Variants in EXT1 observed in about 807,000 individuals in gnomAD.
EXT1 encodes the protein exostosin glycosyltransferase 1.
Under a neutral mutation model 82.5 loss-of-function variants are expected in EXT1, and 20 were observed. The observed-to-expected ratio is 0.24, with a 90% CI of 0.17 to 0.35. The LOEUF (loss-of-function observed/expected upper bound fraction) is 0.35. EXT1 is among the 10% of genes least tolerant of loss of function. EXT1 has a pLI of 1.00. For missense variants in EXT1, 757 were observed against 936.5 expected (o/e 0.81, Z 2.50); for synonymous variants, 348 against 350.8 (o/e 0.99, Z 0.09).
intron 1 of EXT1, among the ~76,000 whole-genome samples, chr8:118,090,806 A>AAAAAAAAAAAAC (rs1817510252): frequency 6.7e-6 from 1 of 148,274 alleles, no homozygotes; most frequent in South Asian, 2.1e-4. Flanking sequence ...AAAAAAAAAA[A>AAAAAAAAAAAAC]AAAGCATGTG....
chr8:117,853,324 C>A (rs1362244073), intron 1 of EXT1, among the ~76,000 whole-genome samples: 2 of 152,122 alleles, frequency 1.3e-5, no homozygotes, highest in African/African-American at 4.8e-5. Flanking sequence ...GAGGGCAGAT[C>A]ATTTGAGGTC....
chr8:117,837,326 G>GCT, intron 1 of EXT1, 125 bp from the exon 2 acceptor site: 1 of 761,142 alleles, frequency 1.3e-6, no homozygotes, highest in South Asian at 1.4e-5. Context: ...CCAGCAGGCA[G>GCT]CTCTCACTTT....
chr8:117,853,193 C>A (rs912023366), intron 1 of EXT1, among the ~76,000 whole-genome samples: 7 of 152,108 alleles, frequency 4.6e-5, no homozygotes, highest in African/African-American at 1.7e-4. Flanking sequence ...CTAAATCCAT[C>A]GGATGGTTTG....
At chr8:117,892,340 T>G (rs1813258897) in intron 1 of EXT1, among the ~76,000 whole-genome samples, 1 of 152,218 alleles carries the variant, frequency 6.6e-6, no homozygotes. Context: ...AGGATACATA[T>G]GACATGAGGA....
intron 1 of EXT1, among the ~76,000 whole-genome samples, chr8:117,931,922 T>A (rs896348342): frequency 6.6e-6 from 1 of 152,218 alleles, no homozygotes. Flanking sequence ...AGTCTCAAGC[T>A]TAAGTAATTA....
At chr8:117,976,268 T>G (rs1014685484) in intron 1 of EXT1, among the ~76,000 whole-genome samples, 1 of 152,218 alleles carries the variant, frequency 6.6e-6, no homozygotes, top group African/African-American at 2.4e-5. Flanking sequence ...CCTTTGAGGC[T>G]ATATAGCCAA....
At chr8:117,989,280 C>T (rs906888268) in intron 1 of EXT1, among the ~76,000 whole-genome samples, 2 of 151,496 alleles carry the variant, frequency 1.3e-5, no homozygotes, top group Non-Finnish European at 1.5e-5. Context: ...GCTCCTGCGT[C>T]GGCTAAGCCA....
At chr8:118,057,973 A>G (rs1816821710) in intron 1 of EXT1, among the ~76,000 whole-genome samples, 1 of 151,110 alleles carries the variant, frequency 6.6e-6, no homozygotes, top group East Asian at 1.9e-4. Context: ...CCCATCTCAA[A>G]AGAAAAAAAA....
chr8:117,812,484 A>T (rs1341884567), intron 8 of EXT1, among the ~76,000 whole-genome samples: 1 of 152,104 alleles, frequency 6.6e-6, no homozygotes, highest in East Asian at 1.9e-4. Context: ...ATACGTGGAG[A>T]GGAATGGGAT....
intron 1 of EXT1, among the ~76,000 whole-genome samples, chr8:117,940,337 A>G (rs1814247530): frequency 6.6e-6 from 1 of 152,220 alleles, no homozygotes; most frequent in South Asian, 2.1e-4. Context: ...AACCTGTGGT[A>G]TAATCTCAAT....
chr8:117,820,921 C>T (rs73707015), intron 5 of EXT1, among the ~76,000 whole-genome samples: 2,959 of 152,164 alleles, frequency 0.019, 101 homozygotes, highest in African/African-American at 0.068. Context: ...AGCTCTGAAG[C>T]CCTAGGTTAA....
chr8:118,050,588 T>C lies in EXT1; in HGVS notation c.962+59497A>G, dbSNP rs113457738. On this transcript the variant is annotated intron_variant, in intron 1 of 10. Transcript: ENST00000378204. Reference sequence around the variant, plus strand: ...GGTCTCTCTTGCAAGTACTCAATTCTGCCATTGTAGCAGGAGAGTGGCCAG... The same window carrying C: ...GGTCTCTCTTGCAAGTACTCAATTCCGCCATTGTAGCAGGAGAGTGGCCAG... Among the ~76,000 whole-genome samples, 57 of 152,352 alleles carry C rather than the reference T, an allele frequency of 3.7e-4. 1 individual carries two copies. The highest frequency in any genetic ancestry group is 2.3e-3 in the South Asian group (11 of 4,830).
At chr8:117,852,026 A>G (rs1477485303) in intron 1 of EXT1, among the ~76,000 whole-genome samples, 1 of 152,230 alleles carries the variant, frequency 6.6e-6, no homozygotes, top group Non-Finnish European at 1.5e-5. Context: ...AACTCTCTGC[A>G]AAGCACTTTA....
chr8:117,835,355 G>C (rs895700732), intron 3 of EXT1, 89 bp downstream of exon 3: 2 of 942,804 alleles, frequency 2.1e-6, no homozygotes, highest in African/African-American at 3.2e-5. Context: ...CTTTTATAGA[G>C]CTGACCTTTT....
chr8:118,007,669 G>C (rs879935018), intron 1 of EXT1, among the ~76,000 whole-genome samples: 3 of 152,206 alleles, frequency 2.0e-5, no homozygotes, highest in Non-Finnish European at 4.4e-5. Context: ...CATGATTCTA[G>C]AGCTTCAAGC....
rs73320173 is a variant in EXT1 at position 117,863,477 on chromosome 8, G to A, written c.963-26276C>T. Among the ~76,000 whole-genome samples, 802 of 138,662 alleles carry A rather than the reference G, an allele frequency of 5.8e-3. 10 individuals are homozygous for A. The highest frequency in any genetic ancestry group is 0.021 in the African/African-American group (763 of 36,266). The allele number at this position is 138,662 out of a possible 152,430, so 91.0% of individuals were successfully genotyped here. ...TGTGACACTTTTGTATTGCTTTGCT[G>A]GCAGACGGCTGATGCGGGCCAAATA... On this transcript the variant is annotated intron_variant, in intron 1 of 10. Coordinates refer to ENST00000378204, the MANE Select transcript of EXT1 (RefSeq NM_000127.3).
intron 4 of EXT1, among the ~76,000 whole-genome samples, chr8:117,829,277 C>T (rs980412932): frequency 2.6e-5 from 4 of 152,108 alleles, no homozygotes; most frequent in African/African-American, 9.7e-5. Context: ...CATCTCCATG[C>T]TTCCTTTTTC....
intron 1 of EXT1, among the ~76,000 whole-genome samples, chr8:118,099,156 T>G (rs1342148737): frequency 6.6e-6 from 1 of 152,246 alleles, no homozygotes. Flanking sequence ...CTGTGCTTGG[T>G]GACAGGCAGG....
chr8:117,971,231 C>G (rs1814933262), intron 1 of EXT1, among the ~76,000 whole-genome samples: 1 of 152,188 alleles, frequency 6.6e-6, no homozygotes, highest in South Asian at 2.1e-4. Flanking sequence ...AGACCACTCA[C>G]TGTAGAAACT....
Sources: allele counts gnomAD v4.1 joint callset (sites outside exome capture counted in the v4.1 genomes callset), GRCh38; gene constraint gnomAD v4.1.1; transcripts MANE v1.5; gene names NCBI Gene and HGNC (gene_info 2026-07-23, HGNC 2026-07-21).